Variants in FGF14 observed in about 807,000 individuals in gnomAD.
FGF14 encodes fibroblast growth factor homologous factor 4.
FGF14 carries 5 observed loss-of-function variants against 25.5 expected under a neutral mutation model. The ratio of observed to expected loss-of-function variants is 0.20; its 90% CI spans 0.10 to 0.41. FGF14 has a LOEUF of 0.41. FGF14 is among the 10% of genes least tolerant of loss of function. The pLI, the probability that FGF14 is intolerant of heterozygous loss-of-function variation, is 1.00. For synonymous variants in FGF14, 138 were observed against 118.3 expected, an observed-to-expected ratio of 1.17 and a Z score of -1.08; for missense variants, 222 against 320.1, an observed-to-expected ratio of 0.69 and a Z score of 2.34.
chr13:102,010,830 G>A (rs9582546), intron 1 of FGF14, among the ~76,000 whole-genome samples: 70,836 of 152,026 alleles, frequency 0.47, 18,378 homozygotes, highest in East Asian at 0.73. Context: ...GGGGCAGTAT[G>A]TCAGAGTGAC....
At chr13:101,856,710 G>A (rs1184754848) in intron 3 of FGF14, among the ~76,000 whole-genome samples, 4 of 151,866 alleles carry the variant, frequency 2.6e-5, no homozygotes, top group Admixed American at 2.0e-4. Context: ...TAAAACAGTT[G>A]TTTCTTATAA....
At chr13:102,220,964 G>T (rs1370474061) in intron 1 of FGF14, among the ~76,000 whole-genome samples, 1 of 152,156 alleles carries the variant, frequency 6.6e-6, no homozygotes, top group South Asian at 2.1e-4. Context: ...CTACACAGGG[G>T]TATTGAGATA....
chr13:102,304,380 C>G lies in FGF14; in HGVS notation c.208+97091G>C, dbSNP rs905029694. ...CCTACTATGTCCAATACTGTCAACT[C>G]TACATTCTACCAGCTCCTGATTCTT... is the stretch of plus-strand genomic sequence containing the variant. On this transcript the variant is annotated intron_variant, in intron 1 of 4. Coordinates refer to the FGF14 transcript ENST00000376131. 2.0e-5 allele frequency among the ~76,000 whole-genome samples: 3 copies of G among 152,136 alleles called. No homozygotes were observed. In the East Asian group the frequency reaches 5.8e-4, roughly 29 times the overall value.
intron 1 of FGF14, among the ~76,000 whole-genome samples, chr13:102,126,523 A>C (rs1394954751): frequency 6.6e-6 from 1 of 152,178 alleles, no homozygotes; most frequent in Non-Finnish European, 1.5e-5. Context: ...TGCTGCAATC[A>C]ACACTGGAGA....
chr13:101,981,896 A>G lies in FGF14; in HGVS notation c.209-106600T>C, dbSNP rs529057756. Among the ~76,000 whole-genome samples the G allele has an allele frequency of 3.9e-5, 6 of 152,330 alleles. No individual in the cohort carries two copies. The South Asian group carries it at 1.2e-3, about 32-fold the overall frequency. On this transcript the variant is annotated intron_variant, in intron 1 of 4. Coordinates refer to the FGF14 transcript ENST00000376131. ...ACAGCAAGAGAGAAGCTAGTGGAAG[A>G]TATTAGGCCAATGTAGGAGCTCACC... is the stretch of plus-strand genomic sequence containing the variant.
At chr13:102,136,672 A>C (rs981342501) in intron 1 of FGF14, among the ~76,000 whole-genome samples, 4 of 152,166 alleles carry the variant, frequency 2.6e-5, no homozygotes, top group Non-Finnish European at 5.9e-5. Context: ...AAAAAAAAAA[A>C]AAAAACCTGA....
upstream of FGF14, among the ~76,000 whole-genome samples, chr13:101,920,397 A>G (rs531678535): frequency 6.6e-6 from 1 of 152,262 alleles, no homozygotes; most frequent in Admixed American, 6.5e-5. Context: ...TAGCTGTATA[A>G]TGACCTCCAA....
chr13:102,033,168 C>G (rs1051095659), intron 1 of FGF14, among the ~76,000 whole-genome samples: 1 of 152,210 alleles, frequency 6.6e-6, no homozygotes, highest in East Asian at 1.9e-4. Flanking sequence ...TGATCAGTTA[C>G]TTTTCCAGTA....
rs1336725 is a variant in FGF14, at chr13:102,243,974, A to G, written c.208+157497T>C. 5.5e-3 allele frequency among the ~76,000 whole-genome samples: 841 copies of G among 152,114 alleles called. 9 individuals carry two copies. Among genetic ancestry groups the G allele is most frequent in the African/African-American group, 0.019 (791 of 41,528 alleles). ...AAGCAGATGCTCTGAAGCATCTCTT[A>G]CTATTCTCATCCCATCCTGTTCTGC... On this transcript the variant is annotated intron_variant, in intron 1 of 4. Coordinates refer to the FGF14 transcript ENST00000376131.
At chr13:102,077,106 C>A (rs1451588607) in intron 1 of FGF14, among the ~76,000 whole-genome samples, 4 of 152,162 alleles carry the variant, frequency 2.6e-5, no homozygotes, top group African/African-American at 9.6e-5. Flanking sequence ...ATGCTTATCT[C>A]ATGCCATATA....
At chr13:101,850,508 ATATATAGAAT>A (rs1566311701) in intron 3 of FGF14, among the ~76,000 whole-genome samples, 52 of 3,112 alleles carry the variant, frequency 0.017, 15 homozygotes, top group Non-Finnish European at 0.02. Flanking sequence ...ATATATATAT[ATATATAGAAT>A]TATATATTCT....
chr13:101,876,023 T>C (rs1446248771), intron 1 of FGF14, among the ~76,000 whole-genome samples: 1 of 152,126 alleles, frequency 6.6e-6, no homozygotes, highest in Non-Finnish European at 1.5e-5. Context: ...TTAACTTGTA[T>C]AACTAAAAAG....
intron 1 of FGF14, among the ~76,000 whole-genome samples, chr13:101,986,167 G>A (rs181715027): frequency 1.3e-5 from 2 of 152,086 alleles, no homozygotes; most frequent in African/African-American, 2.4e-5. Flanking sequence ...ACTATTACCT[G>A]GGAAAAGTAC....
chr13:102,337,662 A>C lies in FGF14; in HGVS notation c.208+63809T>G, dbSNP rs551746819. 3.4e-3 allele frequency among the ~76,000 whole-genome samples: 515 copies of C among 152,294 alleles called. 1 individual carries two copies. The highest frequency in any genetic ancestry group is 0.012 in the African/African-American group (483 of 41,552). ...GTGCTACAGAGAAATTTCTAGTGAA[A>C]GGAAGAGTCCATTGATGAAGCAAAC... On this transcript the variant is annotated intron_variant, in intron 1 of 4. Coordinates refer to the FGF14 transcript ENST00000376131.
chr13:102,257,342 CTTTTTTTTTTTTTT>C (rs71125058), intron 1 of FGF14, among the ~76,000 whole-genome samples: 1 of 32,576 alleles, frequency 3.1e-5, no homozygotes, highest in Non-Finnish European at 5.4e-5. Flanking sequence ...CCTTTCTTTT[CTTTTTTTTTTTTTT>C]TTTTTTTTTT....
chr13:102,256,499 A>T (rs2052447904), intron 1 of FGF14, among the ~76,000 whole-genome samples: 1 of 152,070 alleles, frequency 6.6e-6, no homozygotes, highest in Non-Finnish European at 1.5e-5. Flanking sequence ...CCCTGTCTCA[A>T]AAAAAAGGAA....
At chr13:101,781,850 GATAA>G (rs2039507728) in intron 3 of FGF14, among the ~76,000 whole-genome samples, 1 of 152,190 alleles carries the variant, frequency 6.6e-6, no homozygotes, top group African/African-American at 2.4e-5. Context: ...GCTGGGATAA[GATAA>G]ATAATTAAAT....
At chr13:102,167,167 A>C (rs976890260) in intron 1 of FGF14, among the ~76,000 whole-genome samples, 2 of 151,978 alleles carry the variant, frequency 1.3e-5, no homozygotes, top group East Asian at 1.9e-4. Flanking sequence ...CAAACTAAAA[A>C]ATTTTTGTAA....
In FGF14 at chr13:101,717,746, G is replaced by A. The variant is rs903723588; in HGVS notation, c.*5085C>T. The A allele has an allele frequency of 4.6e-5, 7 of 152,064 alleles. No individual in the cohort carries two copies. The highest frequency in any genetic ancestry group is 1.3e-4 in the Admixed American group (2 of 15,260). 9.4% of individuals were successfully genotyped at this position (152,064 alleles called of 1,614,324 possible). The stretch of plus-strand genomic sequence containing the variant: ...TTCTGAGCTCCCAGGCCATACAAAA[G>A]CAACTTAAGGGTGGATTTGGCTGGC... On this transcript the variant is annotated 3_prime_UTR_variant, in exon 5 of 5. Transcript: ENST00000376143.
Sources: gnomAD v4.1 joint callset for allele counts (sites outside exome capture counted in the v4.1 genomes callset) on GRCh38, gnomAD v4.1.1 for gene constraint, MANE v1.5 for transcripts, NCBI Gene and HGNC (gene_info 2026-07-23, HGNC 2026-07-21) for gene names.